The following CLCNKA variants were observed in gnomAD, a reference collection of about 807,000 sequenced individuals.
CLCNKA encodes the protein chloride channel protein ClC-Ka.
CLCNKA carries 66 observed loss-of-function variants against 83.3 expected under a neutral mutation model. That is an observed-to-expected ratio of 0.79 (90% CI 0.65 to 0.97). CLCNKA has a LOEUF of 0.97. Ranked by LOEUF, CLCNKA falls within the 50% of genes least tolerant of loss-of-function variation. CLCNKA has a pLI of 0.00. For missense variants in CLCNKA, 806 were observed against 888.7 expected, an observed-to-expected ratio of 0.91 and a Z score of 1.18; for synonymous variants, 357 against 370.4, an observed-to-expected ratio of 0.96 and a Z score of 0.42.
intron 19 of CLCNKA, 53 bp downstream of exon 19, chr1:16,033,309 T>C: frequency 6.4e-7 from 1 of 1,565,980 alleles, no homozygotes; most frequent in Non-Finnish European, 8.8e-7. Context: ...CTGAGAAGGC[T>C]GGGGAGATGG....
intron 17 of CLCNKA, 57 bp from the exon 18 acceptor site, chr1:16,032,386 T>A (rs2022660410): frequency 1.3e-6 from 2 of 1,560,250 alleles, no homozygotes; most frequent in African/African-American, 1.4e-5. Flanking sequence ...AGAGGTGGTC[T>A]GAGAGAGGCA....
chr1:16,031,247 G>A (rs954131611), intron 15 of CLCNKA, among the ~76,000 whole-genome samples: 2 of 152,114 alleles, frequency 1.3e-5, no homozygotes, highest in African/African-American at 4.8e-5. Flanking sequence ...TCGGGAAAAT[G>A]GGGCTGTTTA....
intron 8 of CLCNKA, 133 bp from the exon 9 acceptor site, chr1:16,027,688 G>A: frequency 6.5e-7 from 1 of 1,539,608 alleles, no homozygotes; most frequent in Non-Finnish European, 8.9e-7. Flanking sequence ...CCTGGTTGTG[G>A]GGGCCTGGAA....
At chr1:16,023,078 C>T (rs567034654) in intron 2 of CLCNKA, among the ~76,000 whole-genome samples, 4 of 152,364 alleles carry the variant, frequency 2.6e-5, no homozygotes, top group African/African-American at 9.6e-5. Context: ...GCACTTGGCA[C>T]CCTTCCTTGG....
intron 4 of CLCNKA, among the ~76,000 whole-genome samples, chr1:16,025,181 C>A (rs2022299096): frequency 6.6e-6 from 1 of 152,216 alleles, no homozygotes; most frequent in African/African-American, 2.4e-5. Context: ...CTCAGCCCTT[C>A]CTCCAGCTCC....
rs1399556908 is a variant in CLCNKA, at chr1:16,027,486, G to A, written c.781+51G>A. On this transcript the variant is annotated intron_variant, in intron 8 of 19. Coordinates refer to ENST00000331433, the MANE Select transcript of CLCNKA (RefSeq NM_004070.4). ...TGGCCCTGCCTGGGGGCCGGGGCGAGGGAGACCTCCCTTCTCCTCTGTGTA... is the reference window on the plus strand; with the variant it reads ...TGGCCCTGCCTGGGGGCCGGGGCGAAGGAGACCTCCCTTCTCCTCTGTGTA... The A allele has an allele frequency of 1.9e-6, 3 of 1,608,260 alleles. No homozygotes were observed. The African/African-American group carries it at 4.0e-5, about 22-fold the overall frequency.
chr1:16,022,300 G>A (rs1424422138), intron 1 of CLCNKA, among the ~76,000 whole-genome samples: 1 of 152,128 alleles, frequency 6.6e-6, no homozygotes, highest in Non-Finnish European at 1.5e-5. Context: ...TCACAGCCCT[G>A]GGCAGAGACT....
intron 7 of CLCNKA, 177 bp downstream of exon 7, chr1:16,026,952 G>A: frequency 1.2e-6 from 1 of 823,332 alleles, no homozygotes; most frequent in Non-Finnish European, 2.0e-6. Context: ...GCGGGTGGTT[G>A]GGGGCGTGGT....
rs1429259690 is a variant in CLCNKA at position 16,029,650 on chromosome 1, C to T, written c.1228-81C>T. On this transcript the variant is annotated intron_variant, in intron 12 of 19. Coordinates refer to ENST00000331433, the MANE Select transcript of CLCNKA (RefSeq NM_004070.4). ...ACCCTCTTTCTATCTAGGACACTCC[C>T]CTGTCCCCTGTCCTGTCTTCTCTTG... 6 of 1,528,656 alleles carry T rather than the reference C, an allele frequency of 3.9e-6. No homozygotes were observed. In the African/African-American group the frequency reaches 4.1e-5, roughly 10 times the overall value. 94.7% of individuals were successfully genotyped at this position (1,528,656 alleles called of 1,614,324 possible).
At position 16,032,877 on chromosome 1, in the gene CLCNKA, A is replaced by T. The variant is rs151126422; in HGVS notation, c.1930-293A>T. On this transcript the variant is annotated intron_variant, in intron 18 of 19. Transcript: ENST00000331433. ...AGCCAGTTGAGACAGAGCCTGACACAAGGATGGGGCAAGGGCGGAGGCTGA... is the reference window on the plus strand; with the variant it reads ...AGCCAGTTGAGACAGAGCCTGACACTAGGATGGGGCAAGGGCGGAGGCTGA... 3.3e-3 allele frequency among the ~76,000 whole-genome samples: 508 copies of T among 152,310 alleles called. 3 individuals are homozygous for T. Among genetic ancestry groups the T allele is most frequent in the African/African-American group, 7.8e-3 (326 of 41,568 alleles).
chr1:16,025,923 T>G (rs1327305916), intron 4 of CLCNKA, among the ~76,000 whole-genome samples, 185 bp from the exon 5 acceptor site: 1 of 152,074 alleles, frequency 6.6e-6, no homozygotes, highest in African/African-American at 2.4e-5. Flanking sequence ...CCCGGCTAAT[T>G]TTTTGTATCT....
chr1:16,033,656 T>G lies in CLCNKA; in HGVS notation c.2062T>G (p.Ter688GlyextTer6). The change falls in exon 20 of 20, where the codon TGA becomes GGA. Residue 688 changes from the stop codon to glycine, a stop_lost. Transcript: ENST00000331433. ...SNLTNPPAPK[*>G] ...CCTGACAAATCCGCCAGCTCCAAAG[T>G]GAGCCGGCCCAGCAAGATGAAACAG... is the stretch of plus-strand genomic sequence containing the variant. 1 of 1,464,050 alleles carries G rather than the reference T, an allele frequency of 6.8e-7. No homozygotes were observed. The highest frequency in any genetic ancestry group is 1.5e-5 in the African/African-American group (1 of 65,794). 90.7% of individuals were successfully genotyped at this position (1,464,050 alleles called of 1,614,324 possible).
intron 15 of CLCNKA, among the ~76,000 whole-genome samples, chr1:16,031,079 G>C (rs1424798640): frequency 6.6e-6 from 1 of 152,312 alleles, no homozygotes; most frequent in East Asian, 1.9e-4. Flanking sequence ...GAGGTGGAAC[G>C]AGAATGGAAA....
chr1:16,031,282 G>A (rs2022615121), intron 15 of CLCNKA, among the ~76,000 whole-genome samples: 1 of 152,212 alleles, frequency 6.6e-6, no homozygotes, highest in African/African-American at 2.4e-5. Context: ...AACCTTCCAA[G>A]TTTTTCCTTG....
chr1:16,028,886 C>G (rs749937599), intron 11 of CLCNKA, 41 bp downstream of exon 11: 4 of 1,603,010 alleles, frequency 2.5e-6, no homozygotes, highest in Non-Finnish European at 3.4e-6. Flanking sequence ...TGGGAACCCC[C>G]ATTTGTTTTC....
At chr1:16,028,282 C>T (rs2022463513) in intron 10 of CLCNKA, among the ~76,000 whole-genome samples, 163 bp downstream of exon 10, 1 of 151,766 alleles carries the variant, frequency 6.6e-6, no homozygotes. Flanking sequence ...TCACTGTCCC[C>T]CCTTCCTTAC....
rs182655458 is a variant in CLCNKA at position 16,030,014 on chromosome 1, T to C, written c.1347T>C (p.Pro449=). ...GAGAGGCTCTTGCCGTCGCCTTCCC[T>C]GAGGGCATTGTGACTGGAGGGGTTA... The part of the protein sequence containing the change: ...LLGEALAVAF[P]EGIVTGGVTN... The change falls in exon 14 of 20, where the codon CCT becomes CCC. Residue 449 remains proline (P), a synonymous_variant. Coordinates refer to ENST00000331433, the MANE Select transcript of CLCNKA (RefSeq NM_004070.4). The C allele has an allele frequency of 8.1e-6, 13 of 1,611,094 alleles. No individual in the cohort carries two copies. Among genetic ancestry groups the C allele is most frequent in the African/African-American group, 1.3e-5 (1 of 75,004 alleles).
At position 16,029,452 on chromosome 1, in the gene CLCNKA, T is replaced by G. The variant is rs560178080; in HGVS notation, c.1227+153T>G. 6.0e-4 allele frequency: 738 copies of G among 1,239,050 alleles called. 3 individuals are homozygous for G. The African/African-American group carries it at 9.5e-3, about 16-fold the overall frequency. The allele number at this position is 1,239,050 out of a possible 1,614,324, so 76.8% of individuals were successfully genotyped here. A position where few individuals can be genotyped will look rare whatever the true frequency, so the allele number is the denominator to read the frequency against. On this transcript the variant is annotated intron_variant, in intron 12 of 19. Transcript: ENST00000331433. The stretch of plus-strand genomic sequence containing the variant: ...TGCCCACTGCATGGTCCTGGATAAG[T>G]GGCTTCAGGTCTCTGGACCTCAGTC...
chr1:16,030,469 G>C lies in CLCNKA; in HGVS notation c.1417G>C (p.Ala473Pro), dbSNP rs1385133033. ...PGGYALAGAA[A>P]FSGAVTHTIS... ...TGGCTCTGCCCCGGCAGGGGCTGCAGCCTTCTCAGGGGCTGTGACCCACAC... is the reference window on the plus strand; with the variant it reads ...TGGCTCTGCCCCGGCAGGGGCTGCACCCTTCTCAGGGGCTGTGACCCACAC... Residue 473 changes from alanine to proline, a missense_variant, in exon 15 of 20, where the codon GCC becomes CCC. Coordinates refer to ENST00000331433, the MANE Select transcript of CLCNKA (RefSeq NM_004070.4). The C allele has an allele frequency of 6.2e-7, 1 of 1,612,584 alleles. No homozygotes were observed. Among genetic ancestry groups the C allele is most frequent in the Admixed American group, 1.7e-5 (1 of 60,006 alleles).
Sources: gnomAD v4.1 joint callset for allele counts (sites outside exome capture counted in the v4.1 genomes callset) on GRCh38, gnomAD v4.1.1 for gene constraint, MANE v1.5 for transcripts, NCBI Gene and HGNC (gene_info 2026-07-23, HGNC 2026-07-21) for gene names.